Variants in CPNE8 observed in about 807,000 individuals in gnomAD.
The protein encoded by CPNE8 is copine 8, also known as copine-8.
Under a neutral mutation model 81.5 loss-of-function variants are expected in CPNE8, and 45 were observed. The ratio of observed to expected loss-of-function variants is 0.55; its 90% CI spans 0.44 to 0.71. The LOEUF (loss-of-function observed/expected upper bound fraction) is 0.71, where lower values mean the gene tolerates loss of function less well. Ranked by LOEUF, CPNE8 falls within the 30% of genes least tolerant of loss-of-function variation. CPNE8 has a pLI of 0.00. For synonymous variants in CPNE8, 252 were observed against 226.3 expected (o/e 1.11, Z -1.02); for missense variants, 594 against 672.1 (o/e 0.88, Z 1.28).
chr12:38,737,294 T>C (rs1940978415), intron 10 of CPNE8, among the ~76,000 whole-genome samples: 1 of 152,058 alleles, frequency 6.6e-6, no homozygotes. Flanking sequence ...GCTAAATAAA[T>C]GCAATTAAAT....
At chr12:38,712,942 C>T (rs1050632033) in intron 13 of CPNE8, among the ~76,000 whole-genome samples, 7 of 152,048 alleles carry the variant, frequency 4.6e-5, no homozygotes, top group South Asian at 2.1e-4. Flanking sequence ...TGAGCTTAGA[C>T]GTATTAGAAC....
At chr12:38,792,473 A>C (rs1339565672) in intron 6 of CPNE8, among the ~76,000 whole-genome samples, 1 of 151,716 alleles carries the variant, frequency 6.6e-6, no homozygotes, top group Non-Finnish European at 1.5e-5. Context: ...AAATTGAAAA[A>C]TTTAGAAGTA....
intron 19 of CPNE8, among the ~76,000 whole-genome samples, chr12:38,654,659 T>G (rs894585664): frequency 6.6e-6 from 1 of 152,198 alleles, no homozygotes; most frequent in Admixed American, 6.5e-5. Context: ...CCTAATAGGC[T>G]TATTATGTTG....
intron 19 of CPNE8, among the ~76,000 whole-genome samples, chr12:38,658,689 A>G (rs893453514): frequency 3.3e-5 from 5 of 152,238 alleles, no homozygotes; most frequent in Non-Finnish European, 7.3e-5. Context: ...CATCAGAGTA[A>G]CAGTGGATCT....
intron 8 of CPNE8, among the ~76,000 whole-genome samples, chr12:38,763,403 T>A (rs1460176321): frequency 1.3e-5 from 2 of 152,182 alleles, no homozygotes; most frequent in Admixed American, 1.3e-4. Context: ...AAAGAAAATG[T>A]TCATAGATTA....
intron 6 of CPNE8, among the ~76,000 whole-genome samples, chr12:38,793,069 T>C (rs1942363850): frequency 6.7e-6 from 1 of 150,020 alleles, no homozygotes; most frequent in African/African-American, 2.5e-5. Context: ...CAGAAGAAAA[T>C]TACTTCAATA....
intron 6 of CPNE8, among the ~76,000 whole-genome samples, chr12:38,823,162 G>C (rs755224044): frequency 6.6e-6 from 1 of 152,104 alleles, no homozygotes; most frequent in Admixed American, 6.6e-5. Context: ...AGCCAACCCT[G>C]TAAGTCTCTG....
chr12:38,719,938 T>C (rs1399995656), intron 13 of CPNE8, among the ~76,000 whole-genome samples: 1 of 152,212 alleles, frequency 6.6e-6, no homozygotes, highest in African/African-American at 2.4e-5. Context: ...TTAGATTAAT[T>C]ATGTTGTGAA....
At chr12:38,721,169 C>G (rs1470405852) in intron 13 of CPNE8, 3 of 152,830 alleles carry the variant, frequency 2.0e-5, no homozygotes, top group Non-Finnish European at 4.4e-5. Context: ...ATGGGGTTGA[C>G]CAGCAGCAGA....
chr12:38,670,314 T>C (rs1939146072), intron 19 of CPNE8, among the ~76,000 whole-genome samples: 1 of 152,280 alleles, frequency 6.6e-6, no homozygotes, highest in East Asian at 1.9e-4. Context: ...TATGCAACTA[T>C]TAAGTTGAAT....
chr12:38,803,397 A>C (rs903104935), intron 6 of CPNE8, among the ~76,000 whole-genome samples: 2 of 149,458 alleles, frequency 1.3e-5, no homozygotes, highest in Non-Finnish European at 3.0e-5. Flanking sequence ...ACACAACCAA[A>C]GACAAAAACC....
rs1380504923 is a variant in CPNE8, at chr12:38,652,213, CTTAT to C, written c.*1665_*1668del. ...TTGACAAGAAGAAAAGAATATTGAT[CTTAT>C]TTATTTGTTTTTTGGGTTGATAAAT... On this transcript the variant is annotated 3_prime_UTR_variant, in exon 20 of 20. Coordinates refer to ENST00000331366, the MANE Select transcript of CPNE8 (RefSeq NM_153634.3). 3 of 152,038 alleles carry C rather than the reference CTTAT, an allele frequency of 2.0e-5. No homozygotes were observed. The highest frequency in any genetic ancestry group is 4.8e-5 in the African/African-American group (2 of 41,416). The allele number at this position is 152,038 out of a possible 1,614,324, so 9.4% of individuals were successfully genotyped here.
chr12:38,705,298 C>T (rs1940076882), intron 13 of CPNE8, among the ~76,000 whole-genome samples: 1 of 152,066 alleles, frequency 6.6e-6, no homozygotes, highest in South Asian at 2.1e-4. Flanking sequence ...TTGTAGTCCT[C>T]TTAGTAAAAA....
chr12:38,843,324 T>C (rs1158842389), intron 4 of CPNE8, among the ~76,000 whole-genome samples: 3 of 152,210 alleles, frequency 2.0e-5, no homozygotes, highest in African/African-American at 7.2e-5. Flanking sequence ...CATGCTTAGC[T>C]CAGAGCTACT....
At chr12:38,774,380 T>A (rs1941877285) in intron 7 of CPNE8, among the ~76,000 whole-genome samples, 1 of 152,166 alleles carries the variant, frequency 6.6e-6, no homozygotes, top group African/African-American at 2.4e-5. Context: ...ATACAAAACA[T>A]ATATTATTTG....
intron 10 of CPNE8, among the ~76,000 whole-genome samples, chr12:38,737,503 G>T (rs188064878): frequency 5.8e-4 from 88 of 152,042 alleles, no homozygotes; most frequent in Admixed American, 4.5e-3. Flanking sequence ...TACATACTGG[G>T]ATAATTCTGG....
At chr12:38,782,590 G>C (rs1372208355) in intron 6 of CPNE8, among the ~76,000 whole-genome samples, 1 of 152,036 alleles carries the variant, frequency 6.6e-6, no homozygotes, top group Non-Finnish European at 1.5e-5. Flanking sequence ...AACAGAAAGA[G>C]AATGAGAAAG....
In CPNE8 at chr12:38,778,305, T is replaced by C. The variant is rs570297804; in HGVS notation, c.408-2004A>G. 1.9e-3 allele frequency among the ~76,000 whole-genome samples: 285 copies of C among 152,218 alleles called. 1 individual carries two copies. The highest frequency in any genetic ancestry group is 3.3e-3 in the Non-Finnish European group (223 of 68,004). On this transcript the variant is annotated intron_variant, in intron 6 of 19. Transcript: ENST00000331366. ...ACAGCCTATGGTGGTTTCACAACAA[T>C]GAAATCACCTAAGGAAGCATGTCTC...
At chr12:38,856,927 T>A (rs1943747808) in intron 3 of CPNE8, among the ~76,000 whole-genome samples, 1 of 152,078 alleles carries the variant, frequency 6.6e-6, no homozygotes, top group Non-Finnish European at 1.5e-5. Context: ...TGTGACTGCA[T>A]GAGGTTTCTA....
Sources: allele counts gnomAD v4.1 joint callset (sites outside exome capture counted in the v4.1 genomes callset), GRCh38; gene constraint gnomAD v4.1.1; transcripts MANE v1.5; gene names NCBI Gene and HGNC (gene_info 2026-07-23, HGNC 2026-07-21).